The following KYAT3 variants were observed in gnomAD, a reference collection of about 807,000 sequenced individuals.
KYAT3 encodes the protein kynurenine--oxoglutarate transaminase 3.
Under a neutral mutation model 59.0 loss-of-function variants are expected in KYAT3, and 50 were observed. The observed-to-expected ratio is 0.85, with a 90% CI of 0.68 to 1.07. The LOEUF is 1.07. Ranked by LOEUF, KYAT3 falls within the 50% of genes least tolerant of loss-of-function variation. KYAT3 has a pLI of 0.00. For missense variants in KYAT3, 497 were observed against 533.3 expected (o/e 0.93, Z 0.67); for synonymous variants, 148 against 177.0 (o/e 0.84, Z 1.30).
chr1:88,983,754 C>G, intron 2 of KYAT3: 1 of 1,614,024 alleles, frequency 6.2e-7, no homozygotes, highest in Non-Finnish European at 8.5e-7. Context: ...AATACTGTTT[C>G]AAGAGCTTTC....
chr1:88,965,685 C>T (rs1676321339), intron 4 of KYAT3, among the ~76,000 whole-genome samples: 1 of 152,008 alleles, frequency 6.6e-6, no homozygotes, highest in Non-Finnish European at 1.5e-5. Flanking sequence ...TTTTCCTTTC[C>T]CCCTCCTTGT....
intron 13 of KYAT3, among the ~76,000 whole-genome samples, chr1:88,939,137 A>G (rs965881518): frequency 6.6e-6 from 1 of 152,036 alleles, no homozygotes; most frequent in African/African-American, 2.4e-5. Flanking sequence ...TTGCAGTTCT[A>G]TTTTTCATTT....
intron 9 of KYAT3, among the ~76,000 whole-genome samples, chr1:88,954,828 C>T (rs147987935): frequency 0.017 from 2,560 of 152,294 alleles, 27 homozygotes; most frequent in Non-Finnish European, 0.028. Flanking sequence ...GTGGCTGGAG[C>T]GCAGCTCACA....
chr1:88,928,007 T>C, the KYAT3 span, among the ~76,000 whole-genome samples: 1 of 152,150 alleles, frequency 6.6e-6, no homozygotes, highest in Non-Finnish European at 1.5e-5. Flanking sequence ...AGACCTTCAT[T>C]GGGACACAGA....
intron 5 of KYAT3, among the ~76,000 whole-genome samples, chr1:88,963,466 T>C (rs1409149): frequency 0.46 from 70,237 of 152,060 alleles, 16,373 homozygotes; most frequent in Admixed American, 0.5. Context: ...AAGCAGATAG[T>C]GGCATCTTTC....
chr1:88,991,993 T>TC lies in KYAT3; in HGVS notation c.-2+591_-2+592insG, dbSNP rs1044055290. On this transcript the variant is annotated intron_variant, in intron 1 of 13. Transcript: ENST00000260508. ...CTTGGTATTCTTTTGGTTTTTTTTT[T>TC]TTTGAGACGGAGTCTTGCTCTGTCG... Among the ~76,000 whole-genome samples the TC allele has an allele frequency of 2.0e-4, 31 of 151,668 alleles. No homozygotes were observed. In the South Asian group the frequency reaches 5.2e-3, roughly 25 times the overall value.
chr1:88,921,149 G>GC, the KYAT3 span, among the ~76,000 whole-genome samples: 1 of 152,166 alleles, frequency 6.6e-6, no homozygotes, highest in Admixed American at 6.5e-5. Context: ...TTTCTGCTCT[G>GC]CCATCCTTAT....
At chr1:88,992,328 A>C (rs1031363839) in intron 1 of KYAT3, among the ~76,000 whole-genome samples, 103 of 152,234 alleles carry the variant, frequency 6.8e-4, no homozygotes, top group Admixed American at 2.0e-4. Context: ...CTAAAAGCCC[A>C]AACAGCGAAA....
At position 88,969,342 on chromosome 1, in the gene KYAT3, C is replaced by A. The variant is rs550052208; in HGVS notation, c.158+67G>T. The stretch of plus-strand genomic sequence containing the variant: ...GACCATGGATGAGGCAAAAAAAACT[C>A]CCATCTAAAGATACGAAAATATGTA... On this transcript the variant is annotated intron_variant, in intron 3 of 13. Transcript: ENST00000260508. 9 of 925,064 alleles carry A rather than the reference C, an allele frequency of 9.7e-6. No homozygotes were observed. The East Asian group carries it at 1.9e-4, about 20-fold the overall frequency. 57.3% of individuals were successfully genotyped at this position (925,064 alleles called of 1,614,324 possible).
intron 9 of KYAT3, among the ~76,000 whole-genome samples, chr1:88,954,138 T>C (rs1257166525): frequency 6.6e-6 from 1 of 152,182 alleles, no homozygotes; most frequent in East Asian, 1.9e-4. Flanking sequence ...CCTGAGGTGA[T>C]CTACCCGCCT....
the KYAT3 span, among the ~76,000 whole-genome samples, chr1:88,921,975 T>A: frequency 5.9e-5 from 9 of 152,164 alleles, no homozygotes; most frequent in African/African-American, 2.2e-4. Flanking sequence ...ACATCCAGAA[T>A]AACATTTTAT....
Position 88,968,767 on chromosome 1 carries a change from C to T in KYAT3, c.206G>A (p.Gly69Asp). The part of the protein sequence containing the change: ...LAADPSVVNL[G>D]QGFPDISPPT... ...AGGGGATATATCTGGAAAGCCTTGG[C>T]CAAGATTCACAACAGAAGGGTCTGC... Residue 69 changes from glycine (G) to aspartate (D), a missense_variant, in exon 4 of 14, where the codon GGC (glycine) becomes GAC (aspartate). Transcript: ENST00000260508. The T allele has an allele frequency of 6.3e-7, 1 of 1,595,186 alleles. No individual in the cohort carries two copies. Among genetic ancestry groups the T allele is most frequent in the Admixed American group, 1.8e-5 (1 of 54,108 alleles).
the KYAT3 span, among the ~76,000 whole-genome samples, chr1:88,928,018 A>G: frequency 6.6e-6 from 1 of 152,216 alleles, no homozygotes; most frequent in Non-Finnish European, 1.5e-5. Flanking sequence ...GGGACACAGA[A>G]TCAGAACATG....
intron 1 of KYAT3, among the ~76,000 whole-genome samples, chr1:88,991,086 A>G (rs1318339794): frequency 6.6e-6 from 1 of 152,218 alleles, no homozygotes; most frequent in Non-Finnish European, 1.5e-5. Flanking sequence ...AAAACGCATG[A>G]TCTATAGAAA....
intron 2 of KYAT3, among the ~76,000 whole-genome samples, chr1:88,973,600 A>C (rs1676641800): frequency 6.6e-6 from 1 of 152,202 alleles, no homozygotes; most frequent in Admixed American, 6.5e-5. Flanking sequence ...AGGGTGATTA[A>C]AGGCCTATAC....
chr1:88,955,001 A>T, intron 9 of KYAT3, 148 bp downstream of exon 9: 4 of 557,186 alleles, frequency 7.2e-6, no homozygotes, highest in Non-Finnish European at 1.3e-5. Flanking sequence ...CCTGGCCTTA[A>T]GTGATCCTCC....
intron 9 of KYAT3, among the ~76,000 whole-genome samples, chr1:88,954,136 G>T (rs1675806641): frequency 6.6e-6 from 1 of 152,116 alleles, no homozygotes; most frequent in Non-Finnish European, 1.5e-5. Flanking sequence ...GACCTGAGGT[G>T]ATCTACCCGC....
intron 7 of KYAT3, 29 bp downstream of exon 7, chr1:88,961,352 G>C: frequency 6.2e-7 from 1 of 1,613,648 alleles, no homozygotes; most frequent in East Asian, 2.2e-5. Flanking sequence ...TAGGTCAGAA[G>C]ACTGTATAAG....
chr1:88,960,545 T>C (rs572591952), intron 8 of KYAT3, among the ~76,000 whole-genome samples: 4 of 152,272 alleles, frequency 2.6e-5, no homozygotes, highest in African/African-American at 9.6e-5. Flanking sequence ...AAAACTGACA[T>C]TGGACAAAGG....
Sources: gnomAD v4.1 joint callset for allele counts (sites outside exome capture counted in the v4.1 genomes callset) on GRCh38, gnomAD v4.1.1 for gene constraint, MANE v1.5 for transcripts, NCBI Gene and HGNC (gene_info 2026-07-23, HGNC 2026-07-21) for gene names.